Variants in HK2 observed in about 807,000 individuals in gnomAD.
HK2 encodes the protein hexokinase-2.
In HK2, 42 loss-of-function variants were observed where a neutral mutation model predicts 92.9. The observed-to-expected ratio is 0.45, with a 90% CI of 0.35 to 0.58. HK2 has a LOEUF of 0.58. Ranked by LOEUF, HK2 falls within the 20% of genes least tolerant of loss-of-function variation. HK2 has a pLI of 0.00. For synonymous variants in HK2, 422 were observed against 468.0 expected, an observed-to-expected ratio of 0.90 and a Z score of 1.27; for missense variants, 978 against 1,245.1, an observed-to-expected ratio of 0.79 and a Z score of 3.23.
chr2:74,872,607 C>T (rs1689123026), intron 4 of HK2, among the ~76,000 whole-genome samples, 188 bp downstream of exon 4: 1 of 151,852 alleles, frequency 6.6e-6, no homozygotes, highest in African/African-American at 2.4e-5. Flanking sequence ...GTTGGGAGTG[C>T]CCTTTATCAC....
chr2:74,854,486 T>G, intron 2 of HK2, 31 bp downstream of exon 2: 1 of 1,613,092 alleles, frequency 6.2e-7, no homozygotes, highest in Non-Finnish European at 8.5e-7. Flanking sequence ...CTCTAGCTGC[T>G]GCGTTACTCA....
In HK2 at chr2:74,892,952, C is replaced by T. The variant is rs1489332958; in HGVS notation, c.*2011C>T. The T allele has an allele frequency of 6.6e-6, 1 of 151,804 alleles. No homozygotes were observed. The highest frequency in any genetic ancestry group is 1.5e-5 in the Non-Finnish European group (1 of 68,000). The allele number at this position is 151,804 out of a possible 1,614,324, so 9.4% of individuals were successfully genotyped here. ...AAGGTTTCATGTAGATTTTAGTTCACTAAAGGGTGCCCACAAAATAGAGAT... is the reference window on the plus strand; with the variant it reads ...AAGGTTTCATGTAGATTTTAGTTCATTAAAGGGTGCCCACAAAATAGAGAT... On this transcript the variant is annotated 3_prime_UTR_variant, in exon 18 of 18. Transcript: ENST00000290573.
chr2:74,858,535 C>T (rs912255644), intron 2 of HK2, among the ~76,000 whole-genome samples: 2 of 152,332 alleles, frequency 1.3e-5, no homozygotes, highest in South Asian at 2.1e-4. Context: ...GACTTTCTCA[C>T]ATGTGTTACA....
At chr2:74,867,912 C>A in intron 3 of HK2, 128 bp downstream of exon 3, 1 of 1,061,722 alleles carries the variant, frequency 9.4e-7, no homozygotes, top group Non-Finnish European at 1.5e-6. Flanking sequence ...GATGCCAGCA[C>A]AGCTGTAAGG....
intron 1 of HK2, among the ~76,000 whole-genome samples, chr2:74,838,123 A>T (rs931714129): frequency 6.6e-6 from 1 of 152,076 alleles, no homozygotes; most frequent in African/African-American, 2.4e-5. Flanking sequence ...ACCTTGCATG[A>T]CATTTGTTTC....
At chr2:74,878,183 A>C (rs1689279507) in intron 8 of HK2, among the ~76,000 whole-genome samples, 1 of 152,196 alleles carries the variant, frequency 6.6e-6, no homozygotes, top group African/African-American at 2.4e-5. Context: ...GTCCATGGTG[A>C]AATGCAATAG....
intron 1 of HK2, among the ~76,000 whole-genome samples, chr2:74,848,612 G>A (rs1284736729): frequency 6.6e-6 from 1 of 152,194 alleles, no homozygotes; most frequent in Non-Finnish European, 1.5e-5. Context: ...TACAGACTTA[G>A]ACATTGAAAT....
chr2:74,856,197 C>T (rs942910049), intron 2 of HK2, among the ~76,000 whole-genome samples: 8 of 152,128 alleles, frequency 5.3e-5, no homozygotes, highest in East Asian at 3.9e-4. Flanking sequence ...GTTAATGCCA[C>T]GCGCCTGTGC....
chr2:74,885,417 G>A, intron 12 of HK2, 77 bp from the exon 13 acceptor site: 1 of 975,342 alleles, frequency 1.0e-6, no homozygotes, highest in African/African-American at 1.6e-5. Flanking sequence ...TTGAGAGCTA[G>A]AAGCACAGCT....
Position 74,851,464 on chromosome 2 carries a change from G to A in HK2, c.64-2829G>A, listed in dbSNP as rs147664808. ...CAAGGGTTGAGGATGAGAAGTGTCT[G>A]ACTGGATTTCCAACATGTCTTGAAA... On this transcript the variant is annotated intron_variant, in intron 1 of 17. Coordinates refer to ENST00000290573, the MANE Select transcript of HK2 (RefSeq NM_000189.5). 1.1e-3 allele frequency among the ~76,000 whole-genome samples: 161 copies of A among 152,354 alleles called. 2 individuals carry two copies. The highest frequency in any genetic ancestry group is 3.7e-3 in the African/African-American group (152 of 41,580).
At position 74,872,591 on chromosome 2, in the gene HK2, T is replaced by TG. The variant is rs1171962455; in HGVS notation, c.495+178dup. Among the ~76,000 whole-genome samples, 4 of 137,704 alleles carry TG rather than the reference T, an allele frequency of 2.9e-5. No homozygotes were observed. In the East Asian group the frequency reaches 1.0e-3, roughly 35 times the overall value. The allele number at this position is 137,704 out of a possible 152,430, so 90.3% of individuals were successfully genotyped here. A position where few individuals can be genotyped will look rare whatever the true frequency, so the allele number is the denominator to read the frequency against. ...CGATGGGGGGGCTGGTGAAGAAATC[T>TG]GGGGGGTTGGGAGTGCCCTTTATCA... On this transcript the variant is annotated intron_variant, in intron 4 of 17. Coordinates refer to ENST00000290573, the MANE Select transcript of HK2 (RefSeq NM_000189.5).
chr2:74,874,180 G>C (rs1414285737), intron 6 of HK2, 86 bp from the exon 7 acceptor site: 1 of 1,536,442 alleles, frequency 6.5e-7, no homozygotes, highest in African/African-American at 1.4e-5. Context: ...TCCTGGCCGG[G>C]CAGTCTCGGG....
chr2:74,849,492 A>T (rs1003757664), intron 1 of HK2, among the ~76,000 whole-genome samples: 2 of 152,178 alleles, frequency 1.3e-5, no homozygotes, highest in Non-Finnish European at 2.9e-5. Context: ...CCTGCCTCCG[A>T]TTCCCCAGCC....
intron 1 of HK2, among the ~76,000 whole-genome samples, chr2:74,840,697 C>A (rs1260176377): frequency 8.2e-6 from 1 of 121,770 alleles, no homozygotes; most frequent in Non-Finnish European, 1.7e-5. Flanking sequence ...GAAACCCCGT[C>A]TCTACTAAAA....
At chr2:74,858,432 G>A (rs906759794) in intron 2 of HK2, among the ~76,000 whole-genome samples, 2 of 152,110 alleles carry the variant, frequency 1.3e-5, no homozygotes, top group East Asian at 1.9e-4. Flanking sequence ...GCTTCAGAGC[G>A]ATTTATGATG....
Position 74,865,155 on chromosome 2 carries a change from C to G in HK2, c.227-2481C>G, listed in dbSNP as rs553648382. On this transcript the variant is annotated intron_variant, in intron 2 of 17. Coordinates refer to ENST00000290573, the MANE Select transcript of HK2 (RefSeq NM_000189.5). ...CAGTCATTGGCTATGGTGGTTGTGG[C>G]TTCCTATGTGTGTGGAGGAGGGCTG... is the stretch of plus-strand genomic sequence containing the variant. Among the ~76,000 whole-genome samples, 99 of 152,234 alleles carry G rather than the reference C, an allele frequency of 6.5e-4. 1 individual carries two copies. Among genetic ancestry groups the G allele is most frequent in the African/African-American group, 2.4e-3 (98 of 41,502 alleles).
At position 74,889,093 on chromosome 2, in the gene HK2, T is replaced by C; in HGVS notation, c.2376-152T>C. 1.5e-5 allele frequency: 11 copies of C among 710,926 alleles called. No homozygotes were observed. In the South Asian group the frequency reaches 1.7e-4, roughly 11 times the overall value. 44.0% of individuals were successfully genotyped at this position (710,926 alleles called of 1,614,324 possible). A position where few individuals can be genotyped will look rare whatever the true frequency, so the allele number is the denominator to read the frequency against. On this transcript the variant is annotated intron_variant, in intron 16 of 17. Coordinates refer to ENST00000290573, the MANE Select transcript of HK2 (RefSeq NM_000189.5). ...CAGTGCAGTAGGTTGAGCAGTGGTCTGAATTTAGGAATGGGAACCACCTCG... is the reference window on the plus strand; with the variant it reads ...CAGTGCAGTAGGTTGAGCAGTGGTCCGAATTTAGGAATGGGAACCACCTCG...
At chr2:74,843,490 A>G (rs1233116249) in intron 1 of HK2, among the ~76,000 whole-genome samples, 1 of 152,116 alleles carries the variant, frequency 6.6e-6, no homozygotes, top group Non-Finnish European at 1.5e-5. Context: ...TTGTTTGCAG[A>G]TGGATCTCTA....
chr2:74,848,941 G>A (rs900610164), intron 1 of HK2, among the ~76,000 whole-genome samples: 29 of 152,154 alleles, frequency 1.9e-4, no homozygotes, highest in African/African-American at 7.0e-4. Context: ...CTCCCCGATG[G>A]GCCTGGTTTC....
Sources: gnomAD v4.1 joint callset for allele counts (sites outside exome capture counted in the v4.1 genomes callset) on GRCh38, gnomAD v4.1.1 for gene constraint, MANE v1.5 for transcripts, NCBI Gene and HGNC (gene_info 2026-07-23, HGNC 2026-07-21) for gene names.